The following MSANTD5 variants were observed in gnomAD, a reference collection of about 807,000 sequenced individuals.
MSANTD5 encodes the protein uncharacterized protein MSANTD5.
At chr5:178,702,117 G>T (rs1581735755), upstream of MSANTD5, among the ~76,000 whole-genome samples, 5 of 151,598 alleles carry the variant, frequency 3.3e-5, no homozygotes, top group South Asian at 1.0e-3. Flanking sequence ...AATGGGACAG[G>T]GTGAGCCAGT....
downstream of MSANTD5, among the ~76,000 whole-genome samples, chr5:178,692,225 C>CA (rs372446254): frequency 9.3e-5 from 8 of 86,470 alleles, 2 homozygotes; most frequent in Admixed American, 3.3e-4. Flanking sequence ...ACTAAAAATA[C>CA]AAAAATTAGC....
rs553997193 is a variant in MSANTD5 at position 178,697,430 on chromosome 5, G to A, written c.6+156C>T. 2.6e-4 allele frequency among the ~76,000 whole-genome samples: 40 copies of A among 152,276 alleles called. 1 individual carries two copies. The East Asian group carries it at 3.9e-3, about 15-fold the overall frequency. ...GATCGCGCCCCTGCACTCCAGCCTG[G>A]GCGACAGAGCGAGACTCCGTCTCAA... On this transcript the variant is annotated intron_variant, in intron 1 of 3. Transcript: ENST00000648368.
chr5:178,701,094 C>T (rs1368499531), upstream of MSANTD5, among the ~76,000 whole-genome samples: 1 of 152,184 alleles, frequency 6.6e-6, no homozygotes, highest in Non-Finnish European at 1.5e-5. Flanking sequence ...CTGCCTCAGC[C>T]TCCCAAGTAG....
At chr5:178,692,199 G>A (rs1480418037), downstream of MSANTD5, among the ~76,000 whole-genome samples, 3 of 135,050 alleles carry the variant, frequency 2.2e-5, no homozygotes, top group East Asian at 5.8e-4. Context: ...GGCCAATATG[G>A]TGAAACCCTC....
chr5:178,705,134 T>C, the MSANTD5 span, among the ~76,000 whole-genome samples: 2 of 152,098 alleles, frequency 1.3e-5, no homozygotes, highest in African/African-American at 4.8e-5. Context: ...CTACAGCCTC[T>C]GCCTCCCAAG....
the MSANTD5 span, among the ~76,000 whole-genome samples, chr5:178,705,711 A>C: frequency 2.6e-5 from 4 of 152,074 alleles, no homozygotes; most frequent in African/African-American, 9.7e-5. Context: ...AATCCCCACC[A>C]CTTTGGGAGG....
At chr5:178,704,173 G>A in the MSANTD5 span, among the ~76,000 whole-genome samples, 1 of 152,128 alleles carries the variant, frequency 6.6e-6, no homozygotes, top group Non-Finnish European at 1.5e-5. Context: ...TGCAATTCAA[G>A]GGGATCTGGA....
At chr5:178,703,778 C>A in the MSANTD5 span, among the ~76,000 whole-genome samples, 1 of 151,890 alleles carries the variant, frequency 6.6e-6, no homozygotes, top group Non-Finnish European at 1.5e-5. Context: ...GTCAGGAGAT[C>A]GAGACCATTC....
intron 1 of MSANTD5, among the ~76,000 whole-genome samples, chr5:178,696,505 C>G (rs957898272): frequency 6.6e-6 from 1 of 152,092 alleles, no homozygotes; most frequent in African/African-American, 2.4e-5. Flanking sequence ...GGATTACAGG[C>G]GTGAGCCACT....
At chr5:178,694,315 C>CAAAAAAAA (rs56778816), downstream of MSANTD5, among the ~76,000 whole-genome samples, 2 of 61,534 alleles carry the variant, frequency 3.3e-5, no homozygotes, top group South Asian at 6.5e-4. Flanking sequence ...GACTCCATCT[C>CAAAAAAAA]AAAAAAAAAA....
the MSANTD5 span, among the ~76,000 whole-genome samples, chr5:178,705,065 T>C: frequency 3.9e-5 from 6 of 152,094 alleles, no homozygotes; most frequent in South Asian, 1.2e-3. Flanking sequence ...TTTTTTTTTT[T>C]TGAGACGGAA....
intron 1 of MSANTD5, 53 bp from the exon 2 acceptor site, chr5:178,696,234 T>TC (rs1765411071): frequency 6.6e-6 from 1 of 151,182 alleles, no homozygotes. Context: ...CTCTCTCTCT[T>TC]TTTTTTTGAG....
At chr5:178,696,438 C>G (rs1440263848) in intron 1 of MSANTD5, among the ~76,000 whole-genome samples, 2 of 152,106 alleles carry the variant, frequency 1.3e-5, no homozygotes, top group African/African-American at 4.8e-5. Flanking sequence ...GTTAGTCAGG[C>G]TGGTCTCAAA....
downstream of MSANTD5, among the ~76,000 whole-genome samples, chr5:178,693,129 G>A (rs994352452): frequency 2.0e-5 from 3 of 151,882 alleles, no homozygotes; most frequent in African/African-American, 7.3e-5. Flanking sequence ...GACCAACATA[G>A]AGAAACCCCG....
At chr5:178,693,421 A>T (rs1170662060), downstream of MSANTD5, among the ~76,000 whole-genome samples, 2 of 151,868 alleles carry the variant, frequency 1.3e-5, no homozygotes, top group African/African-American at 4.9e-5. Context: ...CAGCTCTTAA[A>T]GATAGTGTGG....
chr5:178,705,817 C>T, the MSANTD5 span, among the ~76,000 whole-genome samples: 2 of 151,956 alleles, frequency 1.3e-5, no homozygotes, highest in Non-Finnish European at 1.5e-5. Context: ...CTTAGCTGGG[C>T]GTGGTGGTGG....
chr5:178,704,413 C>A, the MSANTD5 span, among the ~76,000 whole-genome samples: 5,080 of 152,252 alleles, frequency 0.033, 97 homozygotes, highest in Middle Eastern at 0.065. Flanking sequence ...CCCTTCACCA[C>A]CTGAAGAAGG....
chr5:178,698,530 G>A (rs995010640), upstream of MSANTD5, among the ~76,000 whole-genome samples: 49 of 152,208 alleles, frequency 3.2e-4, no homozygotes, highest in African/African-American at 8.7e-4. Flanking sequence ...TCATGATAGC[G>A]TCTGAGAAGA....
At chr5:178,705,741 A>G in the MSANTD5 span, among the ~76,000 whole-genome samples, 1 of 152,048 alleles carries the variant, frequency 6.6e-6, no homozygotes. Context: ...GAGGATCACG[A>G]GGTCAGGAGA....
Sources: allele counts gnomAD v4.1 joint callset (sites outside exome capture counted in the v4.1 genomes callset), GRCh38; gene constraint gnomAD v4.1.1; transcripts MANE v1.5; gene names NCBI Gene and HGNC (gene_info 2026-07-23, HGNC 2026-07-21).